SLC7A1: variants seen among roughly 807,000 people sequenced by gnomAD.
SLC7A1 encodes high affinity cationic amino acid transporter 1.
In SLC7A1, 10 loss-of-function variants were observed where a neutral mutation model predicts 53.9. That is an observed-to-expected ratio of 0.19 (90% CI 0.11 to 0.31). The LOEUF is 0.31. Among genes scored for constraint, SLC7A1 ranks in the 10% least tolerant of loss-of-function variants. The pLI is 1.00. For synonymous variants in SLC7A1, 342 were observed against 338.7 expected, an observed-to-expected ratio of 1.01 and a Z score of -0.11; for missense variants, 525 against 827.2, an observed-to-expected ratio of 0.63 and a Z score of 4.48.
intron 8 of SLC7A1, among the ~76,000 whole-genome samples, chr13:29,521,897 A>G (rs1868646251): frequency 6.6e-6 from 1 of 152,188 alleles, no homozygotes; most frequent in Non-Finnish European, 1.5e-5. Context: ...AACACTGATC[A>G]TAAGGGACAC....
chr13:29,560,336 C>A (rs1021291898), intron 1 of SLC7A1, among the ~76,000 whole-genome samples: 1 of 151,982 alleles, frequency 6.6e-6, no homozygotes, highest in Non-Finnish European at 1.5e-5. Flanking sequence ...TGAAATACTT[C>A]CTGAAATACC....
intron 2 of SLC7A1, 38 bp from the exon 3 acceptor site, chr13:29,536,240 T>G: frequency 6.4e-7 from 1 of 1,563,716 alleles, no homozygotes; most frequent in Non-Finnish European, 8.7e-7. Flanking sequence ...TGATTGCTCC[T>G]CATTTCACCC....
intron 4 of SLC7A1, among the ~76,000 whole-genome samples, 177 bp downstream of exon 4, chr13:29,532,647 A>G (rs748104125): frequency 2.0e-5 from 3 of 152,376 alleles, no homozygotes; most frequent in South Asian, 2.1e-4. Context: ...ATCTGAATCT[A>G]TAAGAAGCAA....
intron 1 of SLC7A1, among the ~76,000 whole-genome samples, chr13:29,568,271 C>T (rs879418425): frequency 2.0e-5 from 3 of 152,126 alleles, no homozygotes; most frequent in Non-Finnish European, 2.9e-5. Context: ...TGGACACTGT[C>T]CCTTATAATA....
intron 2 of SLC7A1, among the ~76,000 whole-genome samples, chr13:29,547,404 A>T (rs1869970433): frequency 6.6e-6 from 1 of 152,250 alleles, no homozygotes; most frequent in Non-Finnish European, 1.5e-5. Flanking sequence ...TGGAAAGGAT[A>T]CAGATAGCAG....
rs1367037582 is a variant in SLC7A1 at position 29,519,568 on chromosome 13, C to A, written c.1190-19G>T. ...ATCACAGCTGGGAAGAGACAGACAC[C>A]AGGATCTGTGGAGGGCCATCTGCAT... On this transcript the variant is annotated intron_variant, in intron 8 of 12. Transcript: ENST00000380752. 1.3e-6 allele frequency: 2 copies of A among 1,513,772 alleles called. No individual in the cohort carries two copies. Among genetic ancestry groups the A allele is most frequent in the South Asian group, 1.1e-5 (1 of 88,168 alleles). The allele number at this position is 1,513,772 out of a possible 1,614,324, so 93.8% of individuals were successfully genotyped here.
chr13:29,517,585 T>C lies in SLC7A1; in HGVS notation c.1498A>G (p.Thr500Ala). 1.2e-6 allele frequency: 2 copies of C among 1,613,682 alleles called. No homozygotes were observed. The highest frequency in any genetic ancestry group is 1.7e-6 in the Non-Finnish European group (2 of 1,179,534). Residue 500 changes from threonine (T) to alanine (A), a missense_variant, in exon 10 of 13, where the codon ACC becomes GCC. Thr to Ala is a moderately conservative substitution (Grantham distance 58). Transcript: ENST00000380752. ...KISGLIVNISTSLIAVLIITF... is the reference protein window; with the variant it reads ...KISGLIVNISASLIAVLIITF... Reference sequence around the variant, plus strand: ...GGCTAGCTCTTACCTATGAGGCTGGTTGAAATGTTCACAATTAGCCCAGAG... The same window carrying C: ...GGCTAGCTCTTACCTATGAGGCTGGCTGAAATGTTCACAATTAGCCCAGAG...
intron 9 of SLC7A1, 41 bp downstream of exon 9, chr13:29,519,406 A>C: frequency 8.6e-7 from 1 of 1,164,886 alleles, no homozygotes; most frequent in South Asian, 1.2e-5. Context: ...TACCAGGTGC[A>C]TCTGCATTTC....
intron 1 of SLC7A1, among the ~76,000 whole-genome samples, chr13:29,575,206 A>T (rs1228766736): frequency 6.6e-6 from 1 of 152,340 alleles, no homozygotes; most frequent in Admixed American, 6.5e-5. Flanking sequence ...TAGTTACAGG[A>T]GCATTTAATC....
At position 29,514,173 on chromosome 13, in the gene SLC7A1, T is replaced by C; in HGVS notation, c.*307A>G. The C allele has an allele frequency of 2.7e-6, 1 of 371,804 alleles. No individual in the cohort carries two copies. Among genetic ancestry groups the C allele is most frequent in the Non-Finnish European group, 5.0e-6 (1 of 201,458 alleles). 23.0% of individuals were successfully genotyped at this position (371,804 alleles called of 1,614,324 possible). On this transcript the variant is annotated 3_prime_UTR_variant, in exon 13 of 13. Coordinates refer to ENST00000380752, the MANE Select transcript of SLC7A1 (RefSeq NM_003045.5). ...AGGTGACCTCCGTTCTGCCTGAGGCTGCGGCAGCTCGGGGCTGAGCTGGTA... is the reference window on the plus strand; with the variant it reads ...AGGTGACCTCCGTTCTGCCTGAGGCCGCGGCAGCTCGGGGCTGAGCTGGTA...
intron 1 of SLC7A1, among the ~76,000 whole-genome samples, chr13:29,573,344 T>G (rs1164605802): frequency 6.6e-6 from 1 of 151,984 alleles, no homozygotes; most frequent in Admixed American, 6.6e-5. Flanking sequence ...CAGAGGCACG[T>G]GTTGCCGGGA....
At chr13:29,531,051 C>T (rs746081840) in intron 4 of SLC7A1, among the ~76,000 whole-genome samples, 4 of 152,176 alleles carry the variant, frequency 2.6e-5, no homozygotes, top group Non-Finnish European at 4.4e-5. Context: ...GACCCGCACA[C>T]CAAGCCGCTC....
At chr13:29,576,601 G>A (rs1050248004) in intron 1 of SLC7A1, among the ~76,000 whole-genome samples, 4 of 152,180 alleles carry the variant, frequency 2.6e-5, no homozygotes, top group Non-Finnish European at 5.9e-5. Context: ...GGGCCATCCC[G>A]ATGGTCCACT....
At chr13:29,544,244 A>C (rs924602629) in intron 2 of SLC7A1, among the ~76,000 whole-genome samples, 1 of 152,230 alleles carries the variant, frequency 6.6e-6, no homozygotes, top group African/African-American at 2.4e-5. Flanking sequence ...CATCAAGTCC[A>C]AAAGAACATA....
At position 29,510,127 on chromosome 13, in the gene SLC7A1, A is replaced by G. The variant is rs1247477040; in HGVS notation, c.*4353T>C. 6.6e-6 allele frequency: 1 copy of G among 152,566 alleles called. No individual in the cohort carries two copies. Among genetic ancestry groups the G allele is most frequent in the African/African-American group, 2.4e-5 (1 of 41,440 alleles). The allele number at this position is 152,566 out of a possible 1,614,324, so 9.5% of individuals were successfully genotyped here. On this transcript the variant is annotated 3_prime_UTR_variant, in exon 13 of 13. Coordinates refer to ENST00000380752, the MANE Select transcript of SLC7A1 (RefSeq NM_003045.5). ...TCTTTAAGCTTGGCCAAGGTACTCC[A>G]TCTCCTGTGGGGTTTTCAGCTGGCA...
At chr13:29,584,768 C>T (rs2139188444) in intron 1 of SLC7A1, among the ~76,000 whole-genome samples, 2 of 152,110 alleles carry the variant, frequency 1.3e-5, no homozygotes, top group East Asian at 3.9e-4. Context: ...AAAGTCCATC[C>T]AACCTTTTCA....
chr13:29,545,690 TC>T (rs1407672926), intron 2 of SLC7A1, among the ~76,000 whole-genome samples: 1 of 152,136 alleles, frequency 6.6e-6, no homozygotes, highest in Admixed American at 6.5e-5. Context: ...GGGCAGACAA[TC>T]CCCATCAGCT....
At chr13:29,585,144 T>C (rs1871827330) in intron 1 of SLC7A1, among the ~76,000 whole-genome samples, 1 of 152,202 alleles carries the variant, frequency 6.6e-6, no homozygotes, top group Non-Finnish European at 1.5e-5. Flanking sequence ...CCTACTCACT[T>C]TCTTGGGCAT....
intron 1 of SLC7A1, among the ~76,000 whole-genome samples, chr13:29,594,475 C>T (rs1046522279): frequency 2.0e-5 from 3 of 152,224 alleles, no homozygotes; most frequent in African/African-American, 7.2e-5. Flanking sequence ...TCCCCCATCC[C>T]CTGGAAAGGG....
Sources: allele counts gnomAD v4.1 joint callset (sites outside exome capture counted in the v4.1 genomes callset), GRCh38; gene constraint gnomAD v4.1.1; transcripts MANE v1.5; gene names NCBI Gene and HGNC (gene_info 2026-07-23, HGNC 2026-07-21).